Variants in GFRA2 observed in about 807,000 individuals in gnomAD.
GFRA2 encodes the protein GDNF family receptor alpha 2.
In GFRA2, 17 loss-of-function variants were observed where a neutral mutation model predicts 48.3. The ratio of observed to expected loss-of-function variants is 0.35; its 90% CI spans 0.24 to 0.53. GFRA2 has a LOEUF of 0.53. GFRA2 is among the 20% of genes least tolerant of loss of function. The pLI, the probability that GFRA2 is intolerant of heterozygous loss-of-function variation, is 0.93. For synonymous variants in GFRA2, 305 were observed against 257.2 expected, an observed-to-expected ratio of 1.19 and a Z score of -1.78; for missense variants, 660 against 637.3, an observed-to-expected ratio of 1.04 and a Z score of -0.38.
intron 4 of GFRA2, among the ~76,000 whole-genome samples, chr8:21,720,184 T>C (rs1803528260): frequency 6.6e-6 from 1 of 152,132 alleles, no homozygotes. Flanking sequence ...TGGAGAAAAG[T>C]CAGAGATGAA....
intron 2 of GFRA2, among the ~76,000 whole-genome samples, chr8:21,799,184 G>A (rs929880055): frequency 7.2e-4 from 109 of 151,552 alleles, no homozygotes; most frequent in African/African-American, 2.4e-3. Context: ...CTCCCCTTCC[G>A]TTCTCTTTAG....
At chr8:21,738,476 T>C (rs982161629) in intron 4 of GFRA2, among the ~76,000 whole-genome samples, 9 of 151,706 alleles carry the variant, frequency 5.9e-5, no homozygotes, top group African/African-American at 2.2e-4. Flanking sequence ...CTCCAACTCA[T>C]CTGCACACAG....
At position 21,782,792 on chromosome 8, in the gene GFRA2, C is replaced by G. The variant is rs1249690305; in HGVS notation, c.148G>C (p.Glu50Gln). The change falls in exon 2 of 9, where the codon GAA (glutamate) becomes CAA (glutamine). Residue 50 changes from glutamate (E) to glutamine (Q), a missense_variant. By Grantham distance (29) the Glu-to-Gln change is conservative. Transcript: ENST00000524240. ...CVRANELCAA[E>Q]SNCSSRYRTL... The stretch of plus-strand genomic sequence containing the variant: ...CGGTAGCGAGAGCTGCAGTTGGATT[C>G]GGCGGCACACAGCTCATTGGCCCGG... 6.3e-7 allele frequency: 1 copy of G among 1,584,842 alleles called. No homozygotes were observed. The highest frequency in any genetic ancestry group is 2.3e-5 in the East Asian group (1 of 43,600).
Position 21,750,853 on chromosome 8 carries a change from G to A in GFRA2, c.529C>T (p.Leu177=), listed in dbSNP as rs1044987238. ...CAGATGGAGATGTAGGAGGAGCGCA[G>A]CTTCTTGCAGTTGTCATTCAGGTTG... ...ACNLNDNCKK[L]RSSYISICNR... The change falls in exon 4 of 9, where the codon CTG becomes TTG. Residue 177 remains leucine, a synonymous_variant. Coordinates refer to ENST00000524240, the MANE Select transcript of GFRA2 (RefSeq NM_001495.5). This position sits in a 1 kb window ranked among gnomAD's most constrained non-coding sequence, Gnocchi z 5.7. The A allele has an allele frequency of 1.9e-6, 3 of 1,613,820 alleles. No homozygotes were observed. Among genetic ancestry groups the A allele is most frequent in the African/African-American group, 1.3e-5 (1 of 74,936 alleles).
At chr8:21,716,362 T>C (rs886222086) in intron 4 of GFRA2, among the ~76,000 whole-genome samples, 1 of 150,898 alleles carries the variant, frequency 6.6e-6, no homozygotes, top group Non-Finnish European at 1.5e-5. Flanking sequence ...CACTCTCTAA[T>C]TCTGCATGAC....
intron 3 of GFRA2, among the ~76,000 whole-genome samples, chr8:21,769,768 A>G (rs1806359124): frequency 1.3e-5 from 2 of 152,302 alleles, no homozygotes; most frequent in Middle Eastern, 3.4e-3. Context: ...ATGATAAAGG[A>G]CAAAGTGCTG....
chr8:21,710,765 C>A lies in GFRA2; in HGVS notation c.795-4724G>T, dbSNP rs74833756. Among the ~76,000 whole-genome samples, 65 of 152,340 alleles carry A rather than the reference C, an allele frequency of 4.3e-4. No homozygotes were observed. The East Asian group carries it at 0.012, about 28-fold the overall frequency. ...CGGAGGGGGAGAACACAGGCCTGAG[C>A]CCGGCAGACAGCAAAGCGTACGGCA... is the stretch of plus-strand genomic sequence containing the variant. On this transcript the variant is annotated intron_variant, in intron 4 of 8. Transcript: ENST00000524240.
intron 2 of GFRA2, among the ~76,000 whole-genome samples, chr8:21,802,852 C>A (rs1807795624): frequency 6.6e-6 from 1 of 152,116 alleles, no homozygotes; most frequent in Admixed American, 6.5e-5. Context: ...ATAACACTTG[C>A]TAAGCTCTTC....
Position 21,750,462 on chromosome 8 carries a change from T to G in GFRA2, c.794+126A>C. On this transcript the variant is annotated intron_variant, in intron 4 of 8. Coordinates refer to ENST00000524240, the MANE Select transcript of GFRA2 (RefSeq NM_001495.5). This position sits in a 1 kb window ranked among gnomAD's most constrained non-coding sequence, Gnocchi z 5.7. Reference sequence around the variant, plus strand: ...ATGTCCAAGTCAGTTTTACCCTTTTTGACACCCTTTCTGCTGGACTCAGGG... The same window carrying G: ...ATGTCCAAGTCAGTTTTACCCTTTTGGACACCCTTTCTGCTGGACTCAGGG... The G allele has an allele frequency of 3.3e-6, 2 of 610,830 alleles. No homozygotes were observed. The highest frequency in any genetic ancestry group is 5.8e-6 in the Non-Finnish European group (2 of 344,828). The allele number at this position is 610,830 out of a possible 1,614,324, so 37.8% of individuals were successfully genotyped here.
Position 21,717,558 on chromosome 8 carries a change from T to G in GFRA2, c.795-11517A>C, listed in dbSNP as rs748425673. On this transcript the variant is annotated intron_variant, in intron 4 of 8. Coordinates refer to ENST00000524240, the MANE Select transcript of GFRA2 (RefSeq NM_001495.5). The stretch of plus-strand genomic sequence containing the variant: ...ATTGTAATTATTTCTTTAACTTTAA[T>G]TGAACTAGGCCTCAGGAATCCAGAG... Among the ~76,000 whole-genome samples, 4 of 152,230 alleles carry G rather than the reference T, an allele frequency of 2.6e-5. No homozygotes were observed. The East Asian group carries it at 7.7e-4, about 29-fold the overall frequency.
intron 3 of GFRA2, among the ~76,000 whole-genome samples, chr8:21,760,673 C>A (rs1585310199): frequency 6.6e-6 from 1 of 152,102 alleles, no homozygotes; most frequent in Non-Finnish European, 1.5e-5. Context: ...AGAAAGAGGT[C>A]TGGGCTAAAG....
At chr8:21,808,536 C>A (rs1185620336) in intron 1 of GFRA2, among the ~76,000 whole-genome samples, 2 of 152,216 alleles carry the variant, frequency 1.3e-5, no homozygotes, top group African/African-American at 4.8e-5. Flanking sequence ...TCCTTATGAA[C>A]CCCTGTAGGA....
At chr8:21,773,288 G>A (rs1806524186) in intron 3 of GFRA2, among the ~76,000 whole-genome samples, 2 of 152,178 alleles carry the variant, frequency 1.3e-5, no homozygotes, top group Non-Finnish European at 2.9e-5. Context: ...CCCCACTGGG[G>A]GTTATGATGC....
At chr8:21,772,939 C>T (rs1806507887) in intron 3 of GFRA2, among the ~76,000 whole-genome samples, 1 of 152,230 alleles carries the variant, frequency 6.6e-6, no homozygotes, top group African/African-American at 2.4e-5. Context: ...AGCCCAGTGT[C>T]ACCTGTGCAC....
intron 5 of GFRA2, among the ~76,000 whole-genome samples, chr8:21,705,492 C>T (rs1328906724): frequency 1.3e-5 from 2 of 152,196 alleles, no homozygotes; most frequent in Middle Eastern, 3.4e-3. Flanking sequence ...ACCCCAGTGC[C>T]GATATTTATG....
chr8:21,710,962 G>A (rs1221389443), intron 4 of GFRA2, among the ~76,000 whole-genome samples: 1 of 152,216 alleles, frequency 6.6e-6, no homozygotes, highest in Non-Finnish European at 1.5e-5. Flanking sequence ...CTCCACGTGT[G>A]ATCAAGTCCA....
At chr8:21,711,079 G>C (rs1802998749) in intron 4 of GFRA2, among the ~76,000 whole-genome samples, 1 of 152,148 alleles carries the variant, frequency 6.6e-6, no homozygotes, top group Admixed American at 6.5e-5. Flanking sequence ...AGCACTGCTA[G>C]GCAAATTTCT....
intron 1 of GFRA2, among the ~76,000 whole-genome samples, chr8:21,811,539 C>G (rs78010949): frequency 0.057 from 8,642 of 152,208 alleles, 349 homozygotes; most frequent in Middle Eastern, 0.11. Context: ...GTCCTCCATC[C>G]ACCTAGGGCA....
At chr8:21,731,163 T>C (rs28371384) in intron 4 of GFRA2, among the ~76,000 whole-genome samples, 28,005 of 152,094 alleles carry the variant, frequency 0.18, 2,804 homozygotes, top group African/African-American at 0.26. Context: ...CAGCGTCACG[T>C]GGCGAGGTAG....
Sources: allele counts gnomAD v4.1 joint callset (sites outside exome capture counted in the v4.1 genomes callset), GRCh38; gene constraint gnomAD v4.1.1; non-coding constraint Gnocchi (gnomAD v3.1); transcripts MANE v1.5; gene names NCBI Gene and HGNC (gene_info 2026-07-23, HGNC 2026-07-21).